FNDC3B: variants seen among roughly 807,000 people sequenced by gnomAD.
FNDC3B encodes the protein fibronectin type III domain containing 3B.
A neutral mutation model predicts 151.5 loss-of-function variants in FNDC3B; 12 were observed. The ratio of observed to expected loss-of-function variants is 0.08; its 90% CI spans 0.05 to 0.13. The LOEUF is 0.13. Among genes scored for constraint, FNDC3B ranks in the 10% least tolerant of loss-of-function variants. FNDC3B has a pLI of 1.00. For missense variants in FNDC3B, 1,214 were observed against 1,505.3 expected (o/e 0.81, Z 3.20); for synonymous variants, 528 against 549.0 (o/e 0.96, Z 0.54).
chr3:172,377,483 C>T (rs1735212112), intron 23 of FNDC3B, among the ~76,000 whole-genome samples: 1 of 152,042 alleles, frequency 6.6e-6, no homozygotes, highest in Non-Finnish European at 1.5e-5. Context: ...TTTTCAAGAC[C>T]CTGGGGGAAA....
chr3:172,071,293 T>C (rs1000145076), intron 1 of FNDC3B, among the ~76,000 whole-genome samples: 1 of 152,182 alleles, frequency 6.6e-6, no homozygotes, highest in African/African-American at 2.4e-5. Context: ...CTCAACTAAT[T>C]TGGAATTTTC....
intron 7 of FNDC3B, among the ~76,000 whole-genome samples, chr3:172,292,100 G>A (rs1730370325): frequency 6.6e-6 from 1 of 152,178 alleles, no homozygotes; most frequent in African/African-American, 2.4e-5. Flanking sequence ...TGGAGACTAA[G>A]TGATCTTTTT....
chr3:172,223,300 A>G (rs530061262), intron 3 of FNDC3B, among the ~76,000 whole-genome samples: 125 of 152,302 alleles, frequency 8.2e-4, no homozygotes, highest in South Asian at 1.2e-3. Context: ...TATAGATGCA[A>G]TGGTTTATTT....
intron 3 of FNDC3B, among the ~76,000 whole-genome samples, chr3:172,134,836 A>G (rs1251456577): frequency 6.6e-6 from 1 of 152,202 alleles, no homozygotes; most frequent in Non-Finnish European, 1.5e-5. Flanking sequence ...ACCTAGTCTT[A>G]GTCGATGCAC....
intron 2 of FNDC3B, among the ~76,000 whole-genome samples, chr3:172,126,643 G>A (rs1438646031): frequency 6.6e-6 from 1 of 152,148 alleles, no homozygotes. Flanking sequence ...GGATTGTATG[G>A]TGGACAACGT....
chr3:172,363,451 C>T (rs944970697), intron 23 of FNDC3B, among the ~76,000 whole-genome samples: 2 of 152,116 alleles, frequency 1.3e-5, no homozygotes, highest in African/African-American at 2.4e-5. Context: ...TGAAAATGTC[C>T]GATCAGAAGA....
chr3:172,103,557 G>C (rs1273598550), intron 1 of FNDC3B, among the ~76,000 whole-genome samples: 1 of 152,110 alleles, frequency 6.6e-6, no homozygotes, highest in Non-Finnish European at 1.5e-5. Flanking sequence ...TGAAGGCAGG[G>C]CCTATACAAT....
intron 2 of FNDC3B, chr3:172,127,017 G>A (rs569921437): frequency 1.1e-3 from 491 of 456,722 alleles, no homozygotes; most frequent in Admixed American, 2.5e-3. Flanking sequence ...GAGCCCTTAA[G>A]GAGAGCCCAA....
intron 3 of FNDC3B, among the ~76,000 whole-genome samples, chr3:172,138,229 C>T (rs1345879723): frequency 6.6e-6 from 1 of 152,206 alleles, no homozygotes; most frequent in Non-Finnish European, 1.5e-5. Flanking sequence ...TGGTTATATG[C>T]GTAAACCTTT....
chr3:172,207,137 AT>A (rs1356647597), intron 3 of FNDC3B, among the ~76,000 whole-genome samples: 8 of 152,042 alleles, frequency 5.3e-5, no homozygotes, highest in Non-Finnish European at 5.9e-5. Context: ...CATTACCTTA[AT>A]TTTTTTATCT....
At chr3:172,191,788 A>G (rs1724522568) in intron 3 of FNDC3B, among the ~76,000 whole-genome samples, 1 of 151,920 alleles carries the variant, frequency 6.6e-6, no homozygotes, top group South Asian at 2.1e-4. Flanking sequence ...CTGGCCTCAA[A>G]TTCTTGTGTC....
chr3:172,176,809 G>A (rs574273886), intron 3 of FNDC3B, among the ~76,000 whole-genome samples: 1 of 152,302 alleles, frequency 6.6e-6, no homozygotes, highest in East Asian at 1.9e-4. Context: ...ACTTTACTCA[G>A]GGCCCTTGTA....
At chr3:172,097,442 G>A (rs1486361718) in intron 1 of FNDC3B, among the ~76,000 whole-genome samples, 1 of 152,198 alleles carries the variant, frequency 6.6e-6, no homozygotes, top group Non-Finnish European at 1.5e-5. Context: ...CTCTTTGTAT[G>A]TGGTGGTTTG....
intron 3 of FNDC3B, among the ~76,000 whole-genome samples, chr3:172,198,897 C>T (rs1024764229): frequency 3.3e-5 from 5 of 152,120 alleles, no homozygotes; most frequent in Non-Finnish European, 7.3e-5. Flanking sequence ...GTGATCATGG[C>T]TCTCTGCAGC....
chr3:172,050,408 G>T (rs1237327167), intron 1 of FNDC3B, among the ~76,000 whole-genome samples: 1 of 150,854 alleles, frequency 6.6e-6, no homozygotes, highest in Non-Finnish European at 1.5e-5. Context: ...TTTTAAGATG[G>T]TGTCTCACTC....
At chr3:172,227,053 C>A in intron 4 of FNDC3B, 106 bp downstream of exon 4, 1 of 779,640 alleles carries the variant, frequency 1.3e-6, no homozygotes, top group Non-Finnish European at 2.2e-6. Flanking sequence ...ATTTGGGTAC[C>A]GTAGTGCTAG....
At position 172,342,690 on chromosome 3, in the gene FNDC3B, G is replaced by T. The variant is rs572580695; in HGVS notation, c.1972-321G>T. The stretch of plus-strand genomic sequence containing the variant: ...TGTGTTCTCTTCTGTCCTCATGAAG[G>T]GTCTTTCTAATTTTGATTTGAAGGA... On this transcript the variant is annotated intron_variant, in intron 17 of 25. Coordinates refer to ENST00000415807, the MANE Select transcript of FNDC3B (RefSeq NM_022763.4). 5.9e-5 allele frequency among the ~76,000 whole-genome samples: 9 copies of T among 152,196 alleles called. No homozygotes were observed. The East Asian group carries it at 1.5e-3, about 26-fold the overall frequency.
intron 3 of FNDC3B, among the ~76,000 whole-genome samples, chr3:172,217,151 G>T (rs775730845): frequency 7.9e-5 from 12 of 152,312 alleles, no homozygotes; most frequent in Non-Finnish European, 1.6e-4. Context: ...CCTGCACAAG[G>T]TCTGGCAGTT....
chr3:172,388,442 ATAT>A (rs898659511), intron 25 of FNDC3B, among the ~76,000 whole-genome samples: 1 of 152,242 alleles, frequency 6.6e-6, no homozygotes, highest in African/African-American at 2.4e-5. Context: ...ACTTATTACA[ATAT>A]TATGATTGGT....
Sources: allele counts gnomAD v4.1 joint callset (sites outside exome capture counted in the v4.1 genomes callset), GRCh38; gene constraint gnomAD v4.1.1; transcripts MANE v1.5; gene names NCBI Gene and HGNC (gene_info 2026-07-23, HGNC 2026-07-21).